The following PLPPR4 variants were observed in gnomAD, a reference collection of about 807,000 sequenced individuals.
The protein encoded by PLPPR4 is phospholipid phosphatase related 4, also known as phospholipid phosphatase-related protein type 4.
In PLPPR4, 24 loss-of-function variants were observed where a neutral mutation model predicts 56.6. The observed-to-expected ratio is 0.42, with a 90% CI of 0.31 to 0.60. PLPPR4 has a LOEUF of 0.60. PLPPR4 is among the 20% of genes least tolerant of loss of function. The pLI, the probability that PLPPR4 is intolerant of heterozygous loss-of-function variation, is 0.13. For synonymous variants in PLPPR4, 326 were observed against 328.1 expected (o/e 0.99, Z 0.07); for missense variants, 654 against 885.8 (o/e 0.74, Z 3.32).
chr1:99,290,608 G>T (rs1227200165), intron 2 of PLPPR4, among the ~76,000 whole-genome samples: 1 of 152,092 alleles, frequency 6.6e-6, no homozygotes, highest in Non-Finnish European at 1.5e-5. Context: ...TAGATCAATG[G>T]AACAGAATAG....
Position 99,306,900 on chromosome 1 carries a change from C to A in PLPPR4, c.2038C>A (p.Leu680Met). 6.2e-7 allele frequency: 1 copy of A among 1,614,160 alleles called. No individual in the cohort carries two copies. Residue 680 changes from leucine (L) to methionine (M), a missense_variant, in exon 7 of 7, where the codon CTG becomes ATG. Physicochemically the swap from Leu to Met is conservative, Grantham distance 15. Around this residue, in one of 2 missense-constraint regions of PLPPR4, gnomAD observed 468 missense variants for 554.3 expected, o/e 0.84. Transcript: ENST00000370185. This position sits in a 1 kb window ranked among gnomAD's most constrained non-coding sequence, Gnocchi z 4.0. Reference sequence around the variant, plus strand: ...CATTTCTTCTTCCCGCGACTCCACCCTGCGGAGAAAGGGCAATATCATTCT... The same window carrying A: ...CATTTCTTCTTCCCGCGACTCCACCATGCGGAGAAAGGGCAATATCATTCT... ...LSISSSRDSTLRRKGNIILIP... is the reference protein window; with the variant it reads ...LSISSSRDSTMRRKGNIILIP...
At chr1:99,284,755 G>A (rs1659419539) in intron 1 of PLPPR4, among the ~76,000 whole-genome samples, 2 of 152,074 alleles carry the variant, frequency 1.3e-5, no homozygotes, top group South Asian at 4.1e-4. Flanking sequence ...TAATATTAAT[G>A]ACAAATTACT....
rs1270941964 is a variant in PLPPR4, at chr1:99,309,505, T to C, written c.*2495T>C. 1 of 152,574 alleles carries C rather than the reference T, an allele frequency of 6.6e-6. No homozygotes were observed. Among genetic ancestry groups the C allele is most frequent in the East Asian group, 1.9e-4 (1 of 5,206 alleles). 9.5% of individuals were successfully genotyped at this position (152,574 alleles called of 1,614,324 possible). On this transcript the variant is annotated 3_prime_UTR_variant, in exon 7 of 7. Coordinates refer to ENST00000370185, the MANE Select transcript of PLPPR4 (RefSeq NM_014839.5). Reference sequence around the variant, plus strand: ...TTTGTAAAGTGCTATAAATGTATTTTGTTAAGTACAGATAAAAGCTATTGT... The same window carrying C: ...TTTGTAAAGTGCTATAAATGTATTTCGTTAAGTACAGATAAAAGCTATTGT...
At chr1:99,288,235 A>G in intron 2 of PLPPR4, 85 bp downstream of exon 2, 1 of 1,184,020 alleles carries the variant, frequency 8.4e-7, no homozygotes, top group Admixed American at 2.2e-5. Flanking sequence ...TTCAAAGCAA[A>G]CAAAACGTGA....
chr1:99,294,933 C>A (rs1659707003), intron 2 of PLPPR4, among the ~76,000 whole-genome samples: 1 of 152,044 alleles, frequency 6.6e-6, no homozygotes, highest in Non-Finnish European at 1.5e-5. Context: ...GAATACAATA[C>A]ATTTCAAGAA....
At position 99,288,029 on chromosome 1, in the gene PLPPR4, C is replaced by G; in HGVS notation, c.143C>G (p.Pro48Arg). The change falls in exon 2 of 7, where the codon CCT becomes CGT. Residue 48 changes from proline (P) to arginine (R), a missense_variant. Pro to Arg is a moderately radical substitution (Grantham distance 103, BLOSUM62 -2). Around this residue, in one of 2 missense-constraint regions of PLPPR4, gnomAD observed 186 missense variants for 331.4 expected, o/e 0.56. Transcript: ENST00000370185. ...YFLELTDVFK[P>R]VHSGFSCYDR... ...CTCGAACTCACAGATGTCTTCAAAC[C>G]TGTGCACTCTGGATTTAGCTGCTAT... 6.2e-7 allele frequency: 1 copy of G among 1,613,866 alleles called. No homozygotes were observed. Among genetic ancestry groups the G allele is most frequent in the African/African-American group, 1.3e-5 (1 of 75,012 alleles).
At chr1:99,263,614 C>G (rs1454688799), upstream of PLPPR4, among the ~76,000 whole-genome samples, 7 of 152,086 alleles carry the variant, frequency 4.6e-5, no homozygotes, top group Admixed American at 3.9e-4. Flanking sequence ...TCTTCTATAT[C>G]AACTTGATAC....
chr1:99,288,222 G>C (rs1659521664), intron 2 of PLPPR4, 72 bp downstream of exon 2: 13 of 1,376,792 alleles, frequency 9.4e-6, no homozygotes, highest in South Asian at 1.3e-5. Flanking sequence ...TATAATAAAT[G>C]GGTTCAAAGC....
At chr1:99,291,935 A>G (rs1286657044) in intron 2 of PLPPR4, among the ~76,000 whole-genome samples, 4 of 152,004 alleles carry the variant, frequency 2.6e-5, no homozygotes, top group Non-Finnish European at 4.4e-5. Context: ...GTTTAGATAG[A>G]TAGATAGAGT....
At chr1:99,271,221 C>T (rs1163699136) in intron 1 of PLPPR4, among the ~76,000 whole-genome samples, 1 of 152,186 alleles carries the variant, frequency 6.6e-6, no homozygotes, top group Non-Finnish European at 1.5e-5. Flanking sequence ...TCTCTAGATA[C>T]ATTACTTTTA....
chr1:99,272,545 A>C (rs557868128), intron 1 of PLPPR4, among the ~76,000 whole-genome samples: 2 of 152,236 alleles, frequency 1.3e-5, no homozygotes, highest in East Asian at 3.9e-4. Context: ...ACCACCTTAC[A>C]TTAAACAAGT....
At chr1:99,305,094 A>G (rs549831701) in intron 6 of PLPPR4, among the ~76,000 whole-genome samples, 3 of 152,288 alleles carry the variant, frequency 2.0e-5, no homozygotes, top group Admixed American at 2.0e-4. Flanking sequence ...AGGTGCCCCA[A>G]TCTGGCGATG....
Position 99,299,182 on chromosome 1 carries a change from T to C in PLPPR4, c.542T>C (p.Val181Ala). 2 of 1,613,372 alleles carry C rather than the reference T, an allele frequency of 1.2e-6. No homozygotes were observed. The highest frequency in any genetic ancestry group is 1.7e-6 in the Non-Finnish European group (2 of 1,179,612). Residue 181 changes from valine to alanine, a missense_variant, in exon 4 of 7, where the codon GTG becomes GCG. Physicochemically the swap from Val to Ala is moderately conservative, Grantham distance 64. Transcript: ENST00000370185. ...TCTTGCAAAGAAAATTCCTACATTG[T>C]GGAAGATATTTGCTCAGGATCTGAC... The part of the protein sequence containing the change: ...NVSCKENSYI[V>A]EDICSGSDLT...
chr1:99,286,708 T>C (rs916473926), intron 1 of PLPPR4, among the ~76,000 whole-genome samples: 14 of 151,990 alleles, frequency 9.2e-5, no homozygotes, highest in Non-Finnish European at 1.8e-4. Context: ...AGAAATGAAT[T>C]CGAATATTAC....
chr1:99,279,550 C>T (rs1176428529), intron 1 of PLPPR4, among the ~76,000 whole-genome samples: 1 of 152,190 alleles, frequency 6.6e-6, no homozygotes, highest in East Asian at 1.9e-4. Flanking sequence ...CCTGCCACCC[C>T]TTTCCTGTTG....
Position 99,307,457 on chromosome 1 carries a change from C to T in PLPPR4, c.*447C>T, listed in dbSNP as rs951126813. 3.5e-5 allele frequency: 6 copies of T among 169,048 alleles called. No individual in the cohort carries two copies. The highest frequency in any genetic ancestry group is 7.8e-5 in the Non-Finnish European group (6 of 76,834). The allele number at this position is 169,048 out of a possible 1,614,324, so 10.5% of individuals were successfully genotyped here. On this transcript the variant is annotated 3_prime_UTR_variant, in exon 7 of 7. Coordinates refer to ENST00000370185, the MANE Select transcript of PLPPR4 (RefSeq NM_014839.5). ...CAGAATCTGCACCTACAGCTCAATA[C>T]GGGTGGTGCTGATTATTATAGTACA...
intron 1 of PLPPR4, among the ~76,000 whole-genome samples, chr1:99,286,985 G>A (rs1254677352): frequency 6.6e-6 from 1 of 152,228 alleles, no homozygotes; most frequent in Middle Eastern, 3.4e-3. Context: ...AAGCATATGT[G>A]TGCCATAGTG....
intron 1 of PLPPR4, among the ~76,000 whole-genome samples, chr1:99,269,709 T>A (rs1214255881): frequency 6.6e-6 from 1 of 152,232 alleles, no homozygotes; most frequent in African/African-American, 2.4e-5. Flanking sequence ...ACAAACCTGA[T>A]GCTAATTTTA....
chr1:99,264,778 C>T, intron 1 of PLPPR4, 107 bp downstream of exon 1: 1 of 1,226,470 alleles, frequency 8.2e-7, no homozygotes. Context: ...CGGGCGCGCG[C>T]GGCTGTCCCC....
Sources: gnomAD v4.1 joint callset for allele counts (sites outside exome capture counted in the v4.1 genomes callset) on GRCh38, gnomAD v4.1.1 for gene constraint, gnomAD v4.1.1 regional missense constraint, Gnocchi (gnomAD v3.1) non-coding constraint, MANE v1.5 for transcripts, NCBI Gene and HGNC (gene_info 2026-07-23, HGNC 2026-07-21) for gene names.